The following UST variants were observed in gnomAD, a reference collection of about 807,000 sequenced individuals.
UST encodes the protein uronyl 2-sulfotransferase.
UST carries 21 observed loss-of-function variants against 45.6 expected under a neutral mutation model. That is an observed-to-expected ratio of 0.46 (90% CI 0.33 to 0.66). The LOEUF is 0.66. Ranked by LOEUF, UST falls within the 30% of genes least tolerant of loss-of-function variation. UST has a pLI of 0.02. For missense variants in UST, 463 were observed against 512.4 expected (o/e 0.90, Z 0.93); for synonymous variants, 215 against 200.6 (o/e 1.07, Z -0.61).
intron 7 of UST, among the ~76,000 whole-genome samples, chr6:149,054,908 A>G (rs1179678337): frequency 6.6e-6 from 1 of 152,010 alleles, no homozygotes; most frequent in African/African-American, 2.4e-5. Context: ...TGCAGCCTAG[A>G]CCTCCCCGGC....
rs748820794 is a variant in UST, at chr6:148,865,029, G to A, written c.248-21957G>A. 1.5e-4 allele frequency among the ~76,000 whole-genome samples: 23 copies of A among 152,138 alleles called. 1 individual carries two copies. Among genetic ancestry groups the A allele is most frequent in the Admixed American group, 1.3e-4 (2 of 15,278 alleles). ...CGACTTTGTACTCTGCGATTTTTAG[G>A]CCTAGAAGTGGTCATGACTGTGAAC... On this transcript the variant is annotated intron_variant, in intron 1 of 7. Coordinates refer to ENST00000367463, the MANE Select transcript of UST (RefSeq NM_005715.3).
chr6:148,873,902 AC>A (rs767044728), intron 1 of UST, among the ~76,000 whole-genome samples: 14 of 152,312 alleles, frequency 9.2e-5, no homozygotes, highest in Middle Eastern at 3.4e-3. Flanking sequence ...AGTCATCTTC[AC>A]CTTACCTGCT....
Position 148,752,035 on chromosome 6 carries a change from G to C in UST, c.247+4358G>C, listed in dbSNP as rs945149678. 7.2e-5 allele frequency among the ~76,000 whole-genome samples: 11 copies of C among 152,332 alleles called. No individual in the cohort carries two copies. In the East Asian group the frequency reaches 1.9e-3, roughly 27 times the overall value. On this transcript the variant is annotated intron_variant, in intron 1 of 7. Coordinates refer to ENST00000367463, the MANE Select transcript of UST (RefSeq NM_005715.3). ...AAACTTGTTGGACTCATTCCCAGCT[G>C]ATATGCTTTCCTTTCCATTTTTAAT... is the stretch of plus-strand genomic sequence containing the variant.
intron 1 of UST, among the ~76,000 whole-genome samples, chr6:148,827,905 G>A (rs974614221): frequency 6.6e-6 from 1 of 151,982 alleles, no homozygotes; most frequent in African/African-American, 2.4e-5. Flanking sequence ...TTGTTTTTAT[G>A]ACTTTTTGAA....
intron 1 of UST, among the ~76,000 whole-genome samples, chr6:148,798,668 A>T (rs915642553): frequency 3.3e-5 from 5 of 152,098 alleles, no homozygotes; most frequent in Non-Finnish European, 5.9e-5. Context: ...CAGTGATGTT[A>T]TGGGGGCCAG....
At chr6:148,946,813 CAAAAAAAAAAAAA>C (rs60990121) in intron 3 of UST, among the ~76,000 whole-genome samples, 1 of 56,824 alleles carries the variant, frequency 1.8e-5, no homozygotes, top group East Asian at 5.0e-4. Flanking sequence ...GACTCCATCC[CAAAAAAAAAAAAA>C]AAAAAAAAAA....
chr6:148,972,735 A>G lies in UST; in HGVS notation c.681+8172A>G, dbSNP rs895091329. Among the ~76,000 whole-genome samples, 15 of 152,226 alleles carry G rather than the reference A, an allele frequency of 9.9e-5. 1 individual carries two copies. The highest frequency in any genetic ancestry group is 1.2e-4 in the Non-Finnish European group (8 of 68,034). On this transcript the variant is annotated intron_variant, in intron 5 of 7. Coordinates refer to ENST00000367463, the MANE Select transcript of UST (RefSeq NM_005715.3). Reference sequence around the variant, plus strand: ...TCCCGCCGCTGGCGCTCAGCGCTGCACCCCTACTGGGGCAGGTGGCTAACA... The same window carrying G: ...TCCCGCCGCTGGCGCTCAGCGCTGCGCCCCTACTGGGGCAGGTGGCTAACA...
chr6:148,878,506 G>A, intron 1 of UST, among the ~76,000 whole-genome samples: 1 of 126,232 alleles, frequency 7.9e-6, no homozygotes, highest in African/African-American at 3.0e-5. Context: ...GATTGTGTAT[G>A]AGTGCGGGGA....
At chr6:148,785,111 G>T (rs6570903) in intron 1 of UST, among the ~76,000 whole-genome samples, 74,530 of 151,600 alleles carry the variant, frequency 0.49, 18,591 homozygotes, top group East Asian at 0.64. Flanking sequence ...TGAGGCAGGA[G>T]AATTTCTTGA....
intron 1 of UST, among the ~76,000 whole-genome samples, chr6:148,774,987 C>G (rs1776503143): frequency 6.6e-6 from 1 of 152,068 alleles, no homozygotes; most frequent in Admixed American, 6.5e-5. Flanking sequence ...CACTACACTC[C>G]AGCCTGGAGT....
intron 2 of UST, among the ~76,000 whole-genome samples, chr6:148,910,396 T>C (rs1779450095): frequency 1.3e-5 from 2 of 152,144 alleles, no homozygotes; most frequent in Non-Finnish European, 2.9e-5. Flanking sequence ...CGCCTGAACC[T>C]CCCAAAGTGC....
chr6:148,786,031 A>G (rs1008924675), intron 1 of UST, among the ~76,000 whole-genome samples: 1 of 152,094 alleles, frequency 6.6e-6, no homozygotes, highest in African/African-American at 2.4e-5. Flanking sequence ...AATAGTATAT[A>G]GTGCAATTGG....
At chr6:148,819,696 T>A (rs1319823254) in intron 1 of UST, among the ~76,000 whole-genome samples, 1 of 152,208 alleles carries the variant, frequency 6.6e-6, no homozygotes, top group African/African-American at 2.4e-5. Flanking sequence ...TGTGTATGTA[T>A]CACTAATAAC....
At position 149,022,363 on chromosome 6, in the gene UST, G is replaced by T. The variant is rs371230019; in HGVS notation, c.937+882G>T. Among the ~76,000 whole-genome samples the T allele has an allele frequency of 6.6e-5, 10 of 152,268 alleles. No homozygotes were observed. The East Asian group carries it at 1.7e-3, about 26-fold the overall frequency. On this transcript the variant is annotated intron_variant, in intron 7 of 7. Coordinates refer to ENST00000367463, the MANE Select transcript of UST (RefSeq NM_005715.3). Reference sequence around the variant, plus strand: ...GCCTATAATCCCAGCATTTTGGGAGGCCGAGGCAGGTGGATCACCTGACGT... The same window carrying T: ...GCCTATAATCCCAGCATTTTGGGAGTCCGAGGCAGGTGGATCACCTGACGT...
intron 2 of UST, among the ~76,000 whole-genome samples, chr6:148,891,340 A>G (rs761260384): frequency 1.7e-4 from 26 of 152,196 alleles, no homozygotes; most frequent in African/African-American, 5.5e-4. Context: ...ATATCATTTC[A>G]TATACATTGA....
intron 2 of UST, among the ~76,000 whole-genome samples, chr6:148,903,988 C>T (rs1165840942): frequency 6.6e-6 from 1 of 152,160 alleles, no homozygotes; most frequent in East Asian, 1.9e-4. Flanking sequence ...GGAGAACATT[C>T]AGAAACTAAT....
At chr6:149,059,037 A>T (rs1465588633) in intron 7 of UST, among the ~76,000 whole-genome samples, 1 of 152,252 alleles carries the variant, frequency 6.6e-6, no homozygotes, top group Non-Finnish European at 1.5e-5. Flanking sequence ...CTTGGGGAGA[A>T]AAGAAACATA....
At chr6:148,798,366 G>A (rs1420830744) in intron 1 of UST, among the ~76,000 whole-genome samples, 1 of 152,162 alleles carries the variant, frequency 6.6e-6, no homozygotes, top group African/African-American at 2.4e-5. Context: ...TTAGTGGTGG[G>A]GAATGGGAGG....
At chr6:148,992,656 T>C (rs923614911) in intron 5 of UST, among the ~76,000 whole-genome samples, 11 of 152,116 alleles carry the variant, frequency 7.2e-5, no homozygotes, top group Non-Finnish European at 1.6e-4. Context: ...CTCTCTGAAA[T>C]TGAAGTTTTA....
Sources: gnomAD v4.1 joint callset for allele counts (sites outside exome capture counted in the v4.1 genomes callset) on GRCh38, gnomAD v4.1.1 for gene constraint, MANE v1.5 for transcripts, NCBI Gene and HGNC (gene_info 2026-07-23, HGNC 2026-07-21) for gene names.